The following KIF5A variants were observed in gnomAD, a reference collection of about 807,000 sequenced individuals.
The protein encoded by KIF5A is kinesin heavy chain isoform 5A.
Under a neutral mutation model 141.3 loss-of-function variants are expected in KIF5A, and 35 were observed. The observed-to-expected ratio is 0.25, with a 90% confidence interval of 0.19 to 0.33. The LOEUF (loss-of-function observed/expected upper bound fraction) is 0.33. Ranked by LOEUF, KIF5A falls within the 10% of genes least tolerant of loss-of-function variation. The probability of loss-of-function intolerance (pLI) is 1.00; values close to 1 mark genes in which losing one functional copy is unlikely to be tolerated. For missense variants in KIF5A, 861 were observed against 1,314.3 expected, an observed-to-expected ratio of 0.66 and a Z score of 5.33; for synonymous variants, 448 against 500.2, an observed-to-expected ratio of 0.90 and a Z score of 1.39.
Position 57,550,586 on chromosome 12 carries a change from G to C in KIF5A, c.129+186G>C, listed in dbSNP as rs1165299339. On this transcript the variant is annotated intron_variant, in intron 1 of 28. Coordinates refer to ENST00000455537, the MANE Select transcript of KIF5A (RefSeq NM_004984.4). This position sits in a 1 kb window ranked among gnomAD's most constrained non-coding sequence, Gnocchi z 4.6. The stretch of plus-strand genomic sequence containing the variant: ...CTGGGTGTGGCCTGGCCAGGCCAGC[G>C]GCCGAGTCTCTGCAGAGTGGCAGGG... Among the ~76,000 whole-genome samples, 5 of 152,160 alleles carry C rather than the reference G, an allele frequency of 3.3e-5. No homozygotes were observed. Among genetic ancestry groups the C allele is most frequent in the Non-Finnish European group, 7.3e-5 (5 of 68,028 alleles).
intron 15 of KIF5A, among the ~76,000 whole-genome samples, chr12:57,574,440 T>C (rs1406493155): frequency 6.6e-6 from 1 of 151,638 alleles, no homozygotes; most frequent in East Asian, 2.0e-4. Context: ...TCCTGGCTAA[T>C]TTTTTATGTT....
intron 28 of KIF5A, among the ~76,000 whole-genome samples, chr12:57,583,923 C>T (rs1882682592): frequency 6.6e-6 from 1 of 152,210 alleles, no homozygotes; most frequent in Non-Finnish European, 1.5e-5. Flanking sequence ...TGGCCAGTCT[C>T]TTACTGGGCT....
In KIF5A at chr12:57,576,165, G is replaced by A. The variant is rs1185121034; in HGVS notation, c.2088+14G>A. The A allele has an allele frequency of 3.7e-6, 6 of 1,613,954 alleles. No homozygotes were observed. Among genetic ancestry groups the A allele is most frequent in the Admixed American group, 1.7e-5 (1 of 60,034 alleles). ...GATGAAGTGAAGGTGAGTAAGGAAG[G>A]TGTCAGGGACAATTGGGGCCTGGTG... On this transcript the variant is annotated intron_variant, in intron 18 of 28. Coordinates refer to ENST00000455537, the MANE Select transcript of KIF5A (RefSeq NM_004984.4).
At chr12:57,574,567 C>T (rs545693436) in intron 15 of KIF5A, among the ~76,000 whole-genome samples, 44 of 143,404 alleles carry the variant, frequency 3.1e-4, no homozygotes, top group African/African-American at 9.0e-4. Flanking sequence ...CCACCGAGCC[C>T]GGCCCAGAAT....
At chr12:57,567,668 T>TA (rs758044327) in intron 8 of KIF5A, 50 bp downstream of exon 8, 11 of 1,529,926 alleles carry the variant, frequency 7.2e-6, no homozygotes, top group Admixed American at 6.4e-5. Context: ...GCTCTTTTTT[T>TA]TTTTTTTTTT....
Position 57,581,831 on chromosome 12 carries a change from T to G in KIF5A, c.2910-39T>G, listed in dbSNP as rs118051870. ...TAGTGGTCCTCAGACTAGTGGAGGG[T>G]GGGTGTCAGAGGCTGCCTCTTTCCT... On this transcript the variant is annotated intron_variant, in intron 25 of 28. Transcript: ENST00000455537. 1,654 of 1,550,936 alleles carry G rather than the reference T, an allele frequency of 1.1e-3. 58 individuals are homozygous for G. In the East Asian group the frequency reaches 0.037, roughly 35 times the overall value.
intron 13 of KIF5A, 95 bp downstream of exon 13, chr12:57,571,484 C>A (rs769201660): frequency 1.6e-6 from 2 of 1,282,536 alleles, no homozygotes; most frequent in African/African-American, 1.5e-5. Flanking sequence ...TGGAAGAAGG[C>A]GCTTTCTGCT....
At chr12:57,569,857 C>T in intron 11 of KIF5A, 130 bp from the exon 12 acceptor site, 1 of 1,366,514 alleles carries the variant, frequency 7.3e-7, no homozygotes, top group South Asian at 1.4e-5. Flanking sequence ...GACTACCTAC[C>T]TCCCATACTC....
Position 57,578,135 on chromosome 12 carries a change from G to A in KIF5A, c.2433+55G>A. On this transcript the variant is annotated intron_variant, in intron 22 of 28. Transcript: ENST00000455537. ...CCCCACATCCTCCTCCTATCCTTAG[G>A]TTTCTCCTGCCCCTGTTGCCCCTAT... The A allele has an allele frequency of 3.8e-6, 6 of 1,588,420 alleles. No individual in the cohort carries two copies. In the South Asian group the frequency reaches 6.6e-5, roughly 18 times the overall value.
At chr12:57,582,103 G>C in intron 26 of KIF5A, 151 bp downstream of exon 26, 1 of 713,618 alleles carries the variant, frequency 1.4e-6, no homozygotes, top group Non-Finnish European at 2.5e-6. Flanking sequence ...ATATAGCCAG[G>C]TGTGGTGGCA....
At position 57,585,412 on chromosome 12, in the gene KIF5A, G is replaced by A. The variant is rs1240888266; in HGVS notation, c.*1231G>A. 3 of 154,436 alleles carry A rather than the reference G, an allele frequency of 1.9e-5. No individual in the cohort carries two copies. Among genetic ancestry groups the A allele is most frequent in the South Asian group, 2.0e-4 (1 of 4,930 alleles). The allele number at this position is 154,436 out of a possible 1,614,324, so 9.6% of individuals were successfully genotyped here. ...GGAAGCTCTAAGGCTTGACCCTGAG[G>A]GGTCTTCTCCCAGCCATTCTCAGCC... On this transcript the variant is annotated 3_prime_UTR_variant, in exon 29 of 29. Transcript: ENST00000455537.
At chr12:57,578,193 G>C (rs749499113) in intron 22 of KIF5A, 45 bp from the exon 23 acceptor site, 7 of 1,591,846 alleles carry the variant, frequency 4.4e-6, no homozygotes, top group Non-Finnish European at 2.6e-6. Context: ...GGTGGGACCT[G>C]TTTGGCCTCA....
Position 57,584,766 on chromosome 12 carries a change from A to C in KIF5A, c.*585A>C, listed in dbSNP as rs867843015. ...GAAGGGCTGCTAATTGAGACATATA[A>C]TTTTCTTCATACACCCCTCACCTTA... On this transcript the variant is annotated 3_prime_UTR_variant, in exon 29 of 29. Transcript: ENST00000455537. 6.6e-6 allele frequency: 1 copy of C among 152,404 alleles called. No homozygotes were observed. 9.4% of individuals were successfully genotyped at this position (152,404 alleles called of 1,614,324 possible).
At chr12:57,559,872 CT>C (rs1881856806) in intron 1 of KIF5A, among the ~76,000 whole-genome samples, 2 of 152,072 alleles carry the variant, frequency 1.3e-5, no homozygotes, top group African/African-American at 4.8e-5. Flanking sequence ...TATTAATGTT[CT>C]ATTATGATAT....
chr12:57,554,852 T>A (rs1173149685), intron 1 of KIF5A, among the ~76,000 whole-genome samples: 1 of 152,118 alleles, frequency 6.6e-6, no homozygotes, highest in Non-Finnish European at 1.5e-5. Context: ...AAGCGATAAC[T>A]CACTCATTAC....
Position 57,572,714 on chromosome 12 carries a change from G to A in KIF5A, c.1704G>A (p.Gly568=), listed in dbSNP as rs370944092. ...LSEFSVIVGN[G]EIKLPVEISG... Reference sequence around the variant, plus strand: ...AGTTCAGTGTCATTGTGGGCAACGGGGAGATTAAGCTGGTGAGTGGTGAGA... The same window carrying A: ...AGTTCAGTGTCATTGTGGGCAACGGAGAGATTAAGCTGGTGAGTGGTGAGA... The change falls in exon 15 of 29, where the codon GGG becomes GGA. Residue 568 remains glycine, a synonymous_variant. Transcript: ENST00000455537. The surrounding 1 kb of genome is among the most constrained non-coding windows in gnomAD (Gnocchi z 4.2). The A allele has an allele frequency of 6.2e-7, 1 of 1,614,208 alleles. No homozygotes were observed. The highest frequency in any genetic ancestry group is 8.5e-7 in the Non-Finnish European group (1 of 1,180,026).
At chr12:57,567,056 TA>T in intron 6 of KIF5A, 69 bp from the exon 7 acceptor site, 1 of 829,244 alleles carries the variant, frequency 1.2e-6, no homozygotes, top group Non-Finnish European at 1.8e-6. Context: ...ATAATAATAA[TA>T]AAAATAAATA....
In KIF5A at chr12:57,572,931, T is replaced by C. The variant is rs1882302365; in HGVS notation, c.1716+205T>C. 6.6e-6 allele frequency among the ~76,000 whole-genome samples: 1 copy of C among 152,238 alleles called. No individual in the cohort carries two copies. The highest frequency in any genetic ancestry group is 1.5e-5 in the Non-Finnish European group (1 of 68,034). On this transcript the variant is annotated intron_variant, in intron 15 of 28. Transcript: ENST00000455537. This position sits in a 1 kb window ranked among gnomAD's most constrained non-coding sequence, Gnocchi z 4.2. ...TAGGTTGGGCGCAGTGGCTCACCGC[T>C]GTAATCCCAGCACTTTGGGAGGCCG...
At chr12:57,569,746 A>C (rs1170692221) in intron 11 of KIF5A, 63 bp downstream of exon 11, 2 of 1,596,716 alleles carry the variant, frequency 1.3e-6, no homozygotes, top group Non-Finnish European at 1.7e-6. Context: ...TTGGGAGCCA[A>C]CTCTGTTTGG....
Sources: allele counts gnomAD v4.1 joint callset (sites outside exome capture counted in the v4.1 genomes callset), GRCh38; gene constraint gnomAD v4.1.1; non-coding constraint Gnocchi (gnomAD v3.1); transcripts MANE v1.5; gene names NCBI Gene and HGNC (gene_info 2026-07-23, HGNC 2026-07-21).